Variants in GSE1 observed in about 807,000 individuals in gnomAD.
GSE1 encodes Gse1 coiled-coil protein.
GSE1 carries 32 observed loss-of-function variants against 112.6 expected under a neutral mutation model. That is an observed-to-expected ratio of 0.28 (90% CI 0.21 to 0.38). GSE1 has a LOEUF of 0.38. Among genes scored for constraint, GSE1 ranks in the 10% least tolerant of loss-of-function variants. The probability of loss-of-function intolerance (pLI) is 1.00; values close to 1 mark genes in which losing one functional copy is unlikely to be tolerated. For synonymous variants in GSE1, 1,115 were observed against 735.6 expected (o/e 1.52, Z -8.35); for missense variants, 2,348 against 1,699.2 (o/e 1.38, Z -6.71).
rs1158764246 is a variant in GSE1, at chr16:85,674,018, G to A, written c.*1479G>A. The A allele has an allele frequency of 1.3e-5, 2 of 152,024 alleles. No individual in the cohort carries two copies. Among genetic ancestry groups the A allele is most frequent in the Non-Finnish European group, 1.5e-5 (1 of 68,080 alleles). 9.4% of individuals were successfully genotyped at this position (152,024 alleles called of 1,614,324 possible). A position where few individuals can be genotyped will look rare whatever the true frequency, so the allele number is the denominator to read the frequency against. On this transcript the variant is annotated 3_prime_UTR_variant, in exon 16 of 16. Transcript: ENST00000253458. ...TCATCACACCAAGGCAAAGCAACGG[G>A]CGAGTCTTCCTCCTTGTCCTAGTTA...
At chr16:85,331,361 GTGTGTATATATGTA>G (rs2046341618) in intron 1 of GSE1, among the ~76,000 whole-genome samples, 3 of 67,010 alleles carry the variant, frequency 4.5e-5, no homozygotes, top group African/African-American at 1.6e-4. Context: ...GTGTGTGTGT[GTGTGTATATATGTA>G]TATATATGTA....
intron 11 of GSE1, chr16:85,664,754 T>G (rs1034944813): frequency 1.0e-5 from 4 of 400,390 alleles, no homozygotes; most frequent in African/African-American, 8.1e-5. Flanking sequence ...GTGGGCACAG[T>G]GATTCACAGA....
intron 1 of GSE1, among the ~76,000 whole-genome samples, chr16:85,561,668 T>C: frequency 6.6e-6 from 1 of 152,136 alleles, no homozygotes; most frequent in East Asian, 1.9e-4. Flanking sequence ...CCTGGAACAT[T>C]TCCCCGGCCC....
upstream of GSE1, among the ~76,000 whole-genome samples, chr16:85,608,629 G>A (rs1317225008): frequency 3.3e-5 from 5 of 152,172 alleles, no homozygotes; most frequent in South Asian, 4.1e-4. Context: ...GATGAGACTC[G>A]TGCTGGAATG....
At chr16:85,518,946 G>C (rs536993028) in intron 2 of GSE1, among the ~76,000 whole-genome samples, 3 of 152,100 alleles carry the variant, frequency 2.0e-5, no homozygotes, top group Non-Finnish European at 4.4e-5. Context: ...TCTGGACCTG[G>C]ATCCAGGCAG....
chr16:85,614,261 G>T (rs374187789), intron 1 of GSE1, among the ~76,000 whole-genome samples: 3 of 152,286 alleles, frequency 2.0e-5, no homozygotes, highest in Admixed American at 1.3e-4. Flanking sequence ...GATGGGCGGC[G>T]AGTGGCCCGA....
rs117734582 is a variant in GSE1 at position 85,359,297 on chromosome 16, G to A, written c.2464+1654G>A. 2.1e-3 allele frequency: 902 copies of A among 438,808 alleles called. 20 individuals carry two copies. The East Asian group carries it at 0.038, about 19-fold the overall frequency. 27.2% of individuals were successfully genotyped at this position (438,808 alleles called of 1,614,324 possible). ...GGCTCACGGGTCAGTGGAGGGCTCCGAGGAGGAGGCAGCTTGCCTGGTTCT... is the reference window on the plus strand; with the variant it reads ...GGCTCACGGGTCAGTGGAGGGCTCCAAGGAGGAGGCAGCTTGCCTGGTTCT... On this transcript the variant is annotated intron_variant, in intron 2 of 2. Coordinates refer to the GSE1 transcript ENST00000637419.
At chr16:85,328,867 C>T (rs1449634207) in intron 1 of GSE1, among the ~76,000 whole-genome samples, 2 of 152,190 alleles carry the variant, frequency 1.3e-5, no homozygotes, top group Non-Finnish European at 2.9e-5. Flanking sequence ...GAGGAGACCA[C>T]CCAGACCTTC....
chr16:85,309,614 G>A (rs7189411), intron 1 of GSE1, among the ~76,000 whole-genome samples: 94,063 of 151,984 alleles, frequency 0.62, 30,527 homozygotes, highest in East Asian at 0.83. Context: ...CCCACCCCCC[G>A]GATCTGGCCG....
intron 1 of GSE1, among the ~76,000 whole-genome samples, chr16:85,581,398 G>C (rs2046442634): frequency 6.6e-6 from 1 of 152,216 alleles, no homozygotes; most frequent in Non-Finnish European, 1.5e-5. Flanking sequence ...TGAATGCAGG[G>C]CTCCGGCCTG....
At chr16:85,558,102 A>T (rs2045325782) in intron 1 of GSE1, among the ~76,000 whole-genome samples, 1 of 152,162 alleles carries the variant, frequency 6.6e-6, no homozygotes, top group Non-Finnish European at 1.5e-5. Flanking sequence ...TTGTAAGGGG[A>T]GGGCGGAGTG....
chr16:85,392,869 G>A (rs924546510), intron 2 of GSE1, among the ~76,000 whole-genome samples: 5 of 152,202 alleles, frequency 3.3e-5, no homozygotes, highest in African/African-American at 9.6e-5. Flanking sequence ...CCGAATGTGC[G>A]GGGATGCCCT....
At chr16:85,586,367 C>T (rs978854930) in intron 1 of GSE1, among the ~76,000 whole-genome samples, 2 of 152,238 alleles carry the variant, frequency 1.3e-5, no homozygotes, top group Admixed American at 1.3e-4. Context: ...ATGCCTTTGT[C>T]CGTGAGGTTC....
chr16:85,330,818 C>G (rs906672867), intron 1 of GSE1, among the ~76,000 whole-genome samples: 1 of 152,214 alleles, frequency 6.6e-6, no homozygotes, highest in African/African-American at 2.4e-5. Flanking sequence ...CACATCTTCC[C>G]TGTCTTTCTC....
intron 1 of GSE1, among the ~76,000 whole-genome samples, chr16:85,597,687 T>G (rs552830015): frequency 6.6e-6 from 1 of 152,188 alleles, no homozygotes; most frequent in East Asian, 1.9e-4. Context: ...CCTAGACTGG[T>G]CTCAAACTCT....
At chr16:85,498,243 G>T (rs2051246083) in intron 2 of GSE1, among the ~76,000 whole-genome samples, 2 of 152,038 alleles carry the variant, frequency 1.3e-5, no homozygotes, top group Admixed American at 1.3e-4. Context: ...GAACTGCTGG[G>T]GTGTCCTCAG....
chr16:85,320,290 C>T (rs1354402327), intron 1 of GSE1, among the ~76,000 whole-genome samples: 2 of 152,160 alleles, frequency 1.3e-5, no homozygotes, highest in African/African-American at 4.8e-5. Context: ...CATTTGAGGC[C>T]GGAGCAGTTT....
At chr16:85,546,170 C>T (rs935571665) in intron 2 of GSE1, among the ~76,000 whole-genome samples, 3 of 152,122 alleles carry the variant, frequency 2.0e-5, no homozygotes, top group Admixed American at 6.6e-5. Flanking sequence ...CTGCACCTTC[C>T]GCCTCCCGGG....
chr16:85,471,170 A>T (rs536534958), intron 2 of GSE1, among the ~76,000 whole-genome samples: 12 of 152,242 alleles, frequency 7.9e-5, no homozygotes, highest in African/African-American at 2.9e-4. Context: ...CTGCCCAGAG[A>T]CGCCCAGTCC....
Sources: gnomAD v4.1 joint callset for allele counts (sites outside exome capture counted in the v4.1 genomes callset) on GRCh38, gnomAD v4.1.1 for gene constraint, MANE v1.5 for transcripts, NCBI Gene and HGNC (gene_info 2026-07-23, HGNC 2026-07-21) for gene names.